The following MTMR9 variants were observed in gnomAD, a reference collection of about 807,000 sequenced individuals.
The protein encoded by MTMR9 is myotubularin-related protein 9.
Under a neutral mutation model 69.5 loss-of-function variants are expected in MTMR9, and 39 were observed. The ratio of observed to expected loss-of-function variants is 0.56; its 90% confidence interval spans 0.43 to 0.73. The LOEUF is 0.73. MTMR9 is among the 30% of genes least tolerant of loss of function. The pLI is 0.00. For synonymous variants in MTMR9, 354 were observed against 240.8 expected (o/e 1.47, Z -4.35); for missense variants, 900 against 671.2 (o/e 1.34, Z -3.77).
chr8:11,324,062 CT>C lies in MTMR9; in HGVS notation c.*1275del, dbSNP rs1414342751. On this transcript the variant is annotated 3_prime_UTR_variant, in exon 10 of 10. Transcript: ENST00000221086. ...CTCATTTTAACAAATATGACCGAGTCTAGTTTTTCTTTAAAAGGATAGTTTA... is the reference window on the plus strand; with the variant it reads ...CTCATTTTAACAAATATGACCGAGTCAGTTTTTCTTTAAAAGGATAGTTTA... The C allele has an allele frequency of 2.0e-5, 3 of 152,150 alleles. No homozygotes were observed. Among genetic ancestry groups the C allele is most frequent in the African/African-American group, 7.2e-5 (3 of 41,436 alleles). The allele number at this position is 152,150 out of a possible 1,614,324, so 9.4% of individuals were successfully genotyped here.
the MTMR9 span, among the ~76,000 whole-genome samples, chr8:11,335,518 C>T: frequency 6.6e-6 from 1 of 152,146 alleles, no homozygotes; most frequent in Non-Finnish European, 1.5e-5. Context: ...TCCATGCAAT[C>T]TCAATCAAAA....
intron 2 of MTMR9, chr8:11,298,911 C>T (rs974507798): frequency 5.1e-6 from 5 of 978,888 alleles, no homozygotes; most frequent in South Asian, 4.7e-5. Flanking sequence ...AGAGTTATTG[C>T]CCCCATTTGA....
intron 5 of MTMR9, among the ~76,000 whole-genome samples, chr8:11,309,029 C>T (rs571370621): frequency 6.6e-6 from 1 of 152,298 alleles, no homozygotes; most frequent in South Asian, 2.1e-4. Context: ...CCTATTTTCG[C>T]ACAGTTTCCT....
chr8:11,329,947 G>C (rs138735590), downstream of MTMR9, among the ~76,000 whole-genome samples: 181 of 151,506 alleles, frequency 1.2e-3, no homozygotes, highest in Middle Eastern at 0.024. Context: ...TGGGAGGTGA[G>C]AAGCGTCTCT....
At chr8:11,290,825 G>T (rs1171654895) in intron 1 of MTMR9, among the ~76,000 whole-genome samples, 1 of 145,954 alleles carries the variant, frequency 6.9e-6, no homozygotes, top group African/African-American at 2.5e-5. Context: ...GCTTTGTGAT[G>T]TGTCCAAAAA....
chr8:11,319,434 C>T (rs1257614524), intron 8 of MTMR9: 2 of 461,836 alleles, frequency 4.3e-6, no homozygotes, highest in South Asian at 5.1e-5. Flanking sequence ...CTGATGTGAC[C>T]AGATTCTGTT....
At chr8:11,293,448 T>C (rs1799435536) in intron 1 of MTMR9, among the ~76,000 whole-genome samples, 1 of 152,174 alleles carries the variant, frequency 6.6e-6, no homozygotes, top group African/African-American at 2.4e-5. Context: ...TAACAGTAAA[T>C]TTAGTGTAGC....
chr8:11,291,959 T>A (rs570528414), intron 1 of MTMR9, among the ~76,000 whole-genome samples: 5 of 152,144 alleles, frequency 3.3e-5, no homozygotes, highest in Non-Finnish European at 5.9e-5. Flanking sequence ...TGTTGATATA[T>A]GTACACACCC....
intron 2 of MTMR9, among the ~76,000 whole-genome samples, chr8:11,295,945 T>A (rs1483133316): frequency 6.6e-6 from 1 of 152,182 alleles, no homozygotes; most frequent in Non-Finnish European, 1.5e-5. Flanking sequence ...CACTAGTGAG[T>A]TAACCAGTGC....
chr8:11,329,873 G>A (rs1463046958), downstream of MTMR9, among the ~76,000 whole-genome samples: 7 of 151,554 alleles, frequency 4.6e-5, no homozygotes, highest in South Asian at 2.1e-4. Context: ...AGTGAGGAGC[G>A]TCTCTGCCCA....
rs1800950289 is a variant in MTMR9 at position 11,326,756 on chromosome 8, G to A, written c.*3968G>A. 1 of 152,266 alleles carries A rather than the reference G, an allele frequency of 6.6e-6. No homozygotes were observed. Among genetic ancestry groups the A allele is most frequent in the Non-Finnish European group, 1.5e-5 (1 of 68,114 alleles). The allele number at this position is 152,266 out of a possible 1,614,324, so 9.4% of individuals were successfully genotyped here. ...GAGGCCAAGGCGGGCGGATCATGAG[G>A]TCAGGAGATCGAGACCATCCTGGCT... On this transcript the variant is annotated 3_prime_UTR_variant, in exon 10 of 10. Coordinates refer to ENST00000221086, the MANE Select transcript of MTMR9 (RefSeq NM_015458.4).
At position 11,324,853 on chromosome 8, in the gene MTMR9, T is replaced by G. The variant is rs1800857430; in HGVS notation, c.*2065T>G. 1.3e-5 allele frequency: 2 copies of G among 152,266 alleles called. No individual in the cohort carries two copies. The highest frequency in any genetic ancestry group is 2.9e-5 in the Non-Finnish European group (2 of 68,130). The allele number at this position is 152,266 out of a possible 1,614,324, so 9.4% of individuals were successfully genotyped here. A position where few individuals can be genotyped will look rare whatever the true frequency, so the allele number is the denominator to read the frequency against. On this transcript the variant is annotated 3_prime_UTR_variant, in exon 10 of 10. Transcript: ENST00000221086. ...GCCTGAGCAACAGAGCGAGACCCTG[T>G]GTCTAAGTAAAGAAAAAGCCAGAAG...
chr8:11,286,802 G>A (rs1278461021), intron 1 of MTMR9, among the ~76,000 whole-genome samples: 1 of 151,734 alleles, frequency 6.6e-6, no homozygotes, highest in African/African-American at 2.4e-5. Flanking sequence ...CTTTTAACGA[G>A]CCTTTCTTGC....
At chr8:11,289,561 C>A (rs993497842) in intron 1 of MTMR9, among the ~76,000 whole-genome samples, 2 of 151,886 alleles carry the variant, frequency 1.3e-5, no homozygotes, top group African/African-American at 4.8e-5. Flanking sequence ...ATGATTGATT[C>A]CTTAAAAGGT....
chr8:11,289,708 A>G (rs1799313495), intron 1 of MTMR9, among the ~76,000 whole-genome samples: 2 of 152,186 alleles, frequency 1.3e-5, no homozygotes, highest in African/African-American at 2.4e-5. Flanking sequence ...GCACACATGC[A>G]TGTGTGAGTT....
At chr8:11,330,515 T>A (rs1322936506), downstream of MTMR9, among the ~76,000 whole-genome samples, 1 of 152,216 alleles carries the variant, frequency 6.6e-6, no homozygotes, top group East Asian at 1.9e-4. Flanking sequence ...AATCAGATTG[T>A]TGCTGTGTCT....
chr8:11,285,063 G>A lies in MTMR9; in HGVS notation c.175G>A (p.Asp59Asn). Residue 59 changes from aspartate to asparagine, a missense_variant, in exon 1 of 10, where the codon GAC becomes AAC. Transcript: ENST00000221086. ...WLLHSNIDAI[D>N]KRFVGSLGTI... Reference sequence around the variant, plus strand: ...CCTCCATTCAAACATCGACGCCATCGACAAGCGGTGAGTGCCCGCCCCACC... The same window carrying A: ...CCTCCATTCAAACATCGACGCCATCAACAAGCGGTGAGTGCCCGCCCCACC... 1 of 1,603,598 alleles carries A rather than the reference G, an allele frequency of 6.2e-7. No homozygotes were observed. The highest frequency in any genetic ancestry group is 8.5e-7 in the Non-Finnish European group (1 of 1,174,196).
At chr8:11,311,084 A>C (rs964260010) in intron 6 of MTMR9, among the ~76,000 whole-genome samples, 1 of 152,214 alleles carries the variant, frequency 6.6e-6, no homozygotes, top group Non-Finnish European at 1.5e-5. Flanking sequence ...ATAGAGTTTA[A>C]ATGAATTGAA....
chr8:11,321,462 C>A (rs1044177396), intron 9 of MTMR9: 14 of 456,360 alleles, frequency 3.1e-5, no homozygotes, highest in Non-Finnish European at 5.3e-5. Context: ...GCTGGGTGGC[C>A]TGAAGGATGA....
Sources: gnomAD v4.1 joint callset for allele counts (sites outside exome capture counted in the v4.1 genomes callset) on GRCh38, gnomAD v4.1.1 for gene constraint, MANE v1.5 for transcripts, NCBI Gene and HGNC (gene_info 2026-07-23, HGNC 2026-07-21) for gene names.